TFDP2: variants seen among roughly 807,000 people sequenced by gnomAD.
TFDP2 encodes the protein transcription factor Dp-2.
In TFDP2, 17 loss-of-function variants were observed where a neutral mutation model predicts 59.3. The ratio of observed to expected loss-of-function variants is 0.29; its 90% CI spans 0.20 to 0.43. The LOEUF is 0.43. Ranked by LOEUF, TFDP2 falls within the 20% of genes least tolerant of loss-of-function variation. The probability of loss-of-function intolerance (pLI) is 1.00; values close to 1 mark genes in which losing one functional copy is unlikely to be tolerated. For missense variants in TFDP2, 391 were observed against 528.8 expected (o/e 0.74, Z 2.56); for synonymous variants, 180 against 194.7 (o/e 0.92, Z 0.63).
intron 3 of TFDP2, among the ~76,000 whole-genome samples, chr3:142,022,377 T>C (rs1333621017): frequency 6.6e-6 from 1 of 152,258 alleles, no homozygotes; most frequent in East Asian, 1.9e-4. Flanking sequence ...AACTTATTTC[T>C]ATTCTCATTT....
chr3:142,096,889 A>C (rs554137514), intron 2 of TFDP2, among the ~76,000 whole-genome samples: 122 of 152,352 alleles, frequency 8.0e-4, no homozygotes, highest in Non-Finnish European at 9.8e-4. Flanking sequence ...CATAGGATCG[A>C]GTCAAATGAT....
intron 9 of TFDP2, among the ~76,000 whole-genome samples, chr3:141,967,483 G>A (rs1048950836): frequency 1.3e-5 from 2 of 151,672 alleles, no homozygotes; most frequent in Admixed American, 6.6e-5. Flanking sequence ...TAGTAGAGAC[G>A]GGGTTTCTCC....
At chr3:142,123,759 T>C (rs1409801171) in intron 1 of TFDP2, among the ~76,000 whole-genome samples, 1 of 152,242 alleles carries the variant, frequency 6.6e-6, no homozygotes, top group Non-Finnish European at 1.5e-5. Flanking sequence ...AAATGATTTC[T>C]ACTATTATCA....
At chr3:142,143,081 C>T (rs895511768) in intron 1 of TFDP2, among the ~76,000 whole-genome samples, 1 of 152,066 alleles carries the variant, frequency 6.6e-6, no homozygotes, top group African/African-American at 2.4e-5. Flanking sequence ...ACTAAAAATA[C>T]AAAAATTAGC....
intron 8 of TFDP2, among the ~76,000 whole-genome samples, chr3:141,972,262 T>C (rs1185761974): frequency 6.6e-6 from 1 of 152,184 alleles, no homozygotes; most frequent in Non-Finnish European, 1.5e-5. Flanking sequence ...CTGCACTGAT[T>C]GTACCTCTAA....
chr3:142,021,961 T>C (rs552317543), intron 3 of TFDP2, among the ~76,000 whole-genome samples: 2 of 152,372 alleles, frequency 1.3e-5, no homozygotes, highest in South Asian at 2.1e-4. Context: ...AGTTAAAATA[T>C]GTCCTTTTGA....
At chr3:141,978,804 A>G (rs1941099134) in intron 6 of TFDP2, 122 bp from the exon 7 acceptor site, 1 of 714,122 alleles carries the variant, frequency 1.4e-6, no homozygotes, top group Non-Finnish European at 2.1e-6. Flanking sequence ...AAAAATTTAA[A>G]TTGAATAGAG....
At chr3:142,015,472 G>GA (rs2108320220) in intron 3 of TFDP2, among the ~76,000 whole-genome samples, 1 of 152,240 alleles carries the variant, frequency 6.6e-6, no homozygotes, top group South Asian at 2.1e-4. Context: ...TGCTCAGACT[G>GA]AAAAGATTAC....
Position 142,005,498 on chromosome 3 carries a change from A to T in TFDP2, c.129T>A (p.Pro43=). 6.2e-7 allele frequency: 1 copy of T among 1,610,522 alleles called. No individual in the cohort carries two copies. Among genetic ancestry groups the T allele is most frequent in the Non-Finnish European group, 8.5e-7 (1 of 1,177,798 alleles). Residue 43 remains proline, a synonymous_variant, in exon 4 of 13, where the codon CCT becomes CCA. Transcript: ENST00000489671. ...CTAAGGTTTTTGGTAAAATCTTTGT[A>T]GGTGAGTTGGTATTGGAAACTGGAA... ...VAFPVSNTNS[P]TKILPKTLGP...
chr3:142,069,610 C>CT lies in TFDP2; in HGVS notation c.82+23450dup, dbSNP rs879529033. 9.5e-3 allele frequency among the ~76,000 whole-genome samples: 1,358 copies of CT among 143,450 alleles called. 15 individuals carry two copies. Among genetic ancestry groups the CT allele is most frequent in the African/African-American group, 0.026 (1,009 of 39,538 alleles). 94.1% of individuals were successfully genotyped at this position (143,450 alleles called of 152,430 possible). A position where few individuals can be genotyped will look rare whatever the true frequency, so the allele number is the denominator to read the frequency against. On this transcript the variant is annotated intron_variant, in intron 3 of 12. Transcript: ENST00000489671. Reference sequence around the variant, plus strand: ...GTTTTTGTCAAACATTTTTCCTTTCCTTTTTTTTTTTTTGAGACGGAGTTT... The same window carrying CT: ...GTTTTTGTCAAACATTTTTCCTTTCCTTTTTTTTTTTTTTGAGACGGAGTTT...
At chr3:142,125,844 C>T (rs1463404985) in intron 1 of TFDP2, among the ~76,000 whole-genome samples, 1 of 152,104 alleles carries the variant, frequency 6.6e-6, no homozygotes, top group Non-Finnish European at 1.5e-5. Flanking sequence ...CCTCTCATAT[C>T]ATTTGTATTT....
chr3:142,061,431 T>TA (rs1303627025), intron 3 of TFDP2, among the ~76,000 whole-genome samples: 1 of 152,176 alleles, frequency 6.6e-6, no homozygotes, highest in Non-Finnish European at 1.5e-5. Flanking sequence ...AGATAGCTGA[T>TA]AAAACATTGT....
At chr3:142,037,306 T>A (rs1172415689) in intron 3 of TFDP2, among the ~76,000 whole-genome samples, 1 of 152,136 alleles carries the variant, frequency 6.6e-6, no homozygotes, top group Non-Finnish European at 1.5e-5. Context: ...GAGGACACAT[T>A]ATAAACAAGC....
chr3:142,012,706 C>T (rs11569184), intron 3 of TFDP2, among the ~76,000 whole-genome samples: 2 of 152,036 alleles, frequency 1.3e-5, no homozygotes, highest in South Asian at 2.1e-4. Context: ...TTTATATATT[C>T]ATAAAAAGTC....
intron 4 of TFDP2, among the ~76,000 whole-genome samples, chr3:142,002,800 TTG>T (rs1428901965): frequency 6.6e-6 from 1 of 152,208 alleles, no homozygotes; most frequent in African/African-American, 2.4e-5. Context: ...GCACTAATTT[TTG>T]TCTTAGTCTG....
chr3:142,016,994 C>A (rs922020266), intron 3 of TFDP2, among the ~76,000 whole-genome samples: 3 of 152,172 alleles, frequency 2.0e-5, no homozygotes, highest in African/African-American at 7.2e-5. Context: ...CCCATGCCAA[C>A]CAAATTTCTA....
intron 3 of TFDP2, among the ~76,000 whole-genome samples, chr3:142,046,697 C>T (rs1386684093): frequency 6.6e-6 from 1 of 152,140 alleles, no homozygotes; most frequent in Non-Finnish European, 1.5e-5. Context: ...CTGCCTGTCC[C>T]CGCTATTTTG....
rs139471161 is a variant in TFDP2 at position 142,054,310 on chromosome 3, A to G, written c.82+38751T>C. ...TCATATAATAGAATACTATTCAGTA[A>G]TAGAAAAGAACTACTGATTCACACA... On this transcript the variant is annotated intron_variant, in intron 3 of 12. Transcript: ENST00000489671. Among the ~76,000 whole-genome samples the G allele has an allele frequency of 4.6e-5, 7 of 152,368 alleles. No individual in the cohort carries two copies. The East Asian group carries it at 7.7e-4, about 17-fold the overall frequency.
chr3:142,012,343 A>C (rs1359026007), intron 3 of TFDP2, among the ~76,000 whole-genome samples: 1 of 151,998 alleles, frequency 6.6e-6, no homozygotes, highest in East Asian at 1.9e-4. Context: ...GCTTTTTTCC[A>C]TTTCAACAAA....
Sources: gnomAD v4.1 joint callset for allele counts (sites outside exome capture counted in the v4.1 genomes callset) on GRCh38, gnomAD v4.1.1 for gene constraint, MANE v1.5 for transcripts, NCBI Gene and HGNC (gene_info 2026-07-23, HGNC 2026-07-21) for gene names.